PLXNA2: variants seen among roughly 807,000 people sequenced by gnomAD.
The protein encoded by PLXNA2 is plexin-A2.
In PLXNA2, 91 loss-of-function variants were observed where a neutral mutation model predicts 193.5. The ratio of observed to expected loss-of-function variants is 0.47; its 90% CI spans 0.40 to 0.56. The LOEUF (loss-of-function observed/expected upper bound fraction) is 0.56. Ranked by LOEUF, PLXNA2 falls within the 20% of genes least tolerant of loss-of-function variation. The pLI, the probability that PLXNA2 is intolerant of heterozygous loss-of-function variation, is 0.00. For synonymous variants in PLXNA2, 997 were observed against 1,027.3 expected (o/e 0.97, Z 0.56); for missense variants, 1,995 against 2,503.2 (o/e 0.80, Z 4.33).
chr1:208,136,653 G>A (rs1427780109), intron 4 of PLXNA2, among the ~76,000 whole-genome samples: 1 of 152,164 alleles, frequency 6.6e-6, no homozygotes. Flanking sequence ...GCACATTCCT[G>A]GATTTTTAAA....
At chr1:208,052,233 T>C (rs1665287083) in intron 15 of PLXNA2, 94 bp downstream of exon 15, 1 of 1,277,646 alleles carries the variant, frequency 7.8e-7, no homozygotes. Flanking sequence ...ATGGAGGTGA[T>C]GGGGCAGGCC....
At chr1:208,199,803 T>C (rs1326194765) in intron 3 of PLXNA2, among the ~76,000 whole-genome samples, 1 of 151,190 alleles carries the variant, frequency 6.6e-6, no homozygotes, top group Non-Finnish European at 1.5e-5. Flanking sequence ...CCTGGGTGAG[T>C]TTCAGCAGAT....
At chr1:208,127,805 A>G (rs1668019102) in intron 4 of PLXNA2, among the ~76,000 whole-genome samples, 1 of 152,224 alleles carries the variant, frequency 6.6e-6, no homozygotes, top group Admixed American at 6.5e-5. Flanking sequence ...GCTGCTCAGT[A>G]AAACGGGGTG....
At chr1:208,067,119 C>T (rs912168438) in intron 12 of PLXNA2, among the ~76,000 whole-genome samples, 5 of 151,914 alleles carry the variant, frequency 3.3e-5, no homozygotes, top group Non-Finnish European at 2.9e-5. Context: ...CCGAGGCAGG[C>T]GGATCACCTG....
intron 4 of PLXNA2, among the ~76,000 whole-genome samples, chr1:208,105,013 G>A (rs1667216794): frequency 6.6e-6 from 1 of 152,136 alleles, no homozygotes; most frequent in Admixed American, 6.5e-5. Flanking sequence ...AGGTGATAAC[G>A]AAAGAAGCTA....
chr1:208,140,616 C>T (rs1668432418), intron 4 of PLXNA2, among the ~76,000 whole-genome samples: 1 of 152,158 alleles, frequency 6.6e-6, no homozygotes, highest in Non-Finnish European at 1.5e-5. Flanking sequence ...TGCATAAGTG[C>T]CTGGAATGGT....
intron 4 of PLXNA2, among the ~76,000 whole-genome samples, chr1:208,122,635 C>A (rs1571941356): frequency 6.6e-6 from 1 of 151,844 alleles, no homozygotes; most frequent in African/African-American, 2.4e-5. Flanking sequence ...GTGAGATGCA[C>A]CCATTGGATG....
At chr1:208,087,693 C>A (rs758647995) in intron 9 of PLXNA2, among the ~76,000 whole-genome samples, 2 of 152,036 alleles carry the variant, frequency 1.3e-5, no homozygotes, top group Non-Finnish European at 2.9e-5. Flanking sequence ...AGATACAGGC[C>A]TTTTGGGTTA....
intron 3 of PLXNA2, among the ~76,000 whole-genome samples, chr1:208,195,693 C>T (rs917916835): frequency 2.6e-5 from 4 of 151,658 alleles, no homozygotes; most frequent in East Asian, 1.9e-4. Flanking sequence ...TCATAAAAAG[C>T]GTAATGGACT....
At chr1:208,234,504 T>C (rs905503571) in intron 1 of PLXNA2, among the ~76,000 whole-genome samples, 15 of 152,316 alleles carry the variant, frequency 9.8e-5, no homozygotes, top group Middle Eastern at 3.4e-3. Flanking sequence ...CTTGTGTTGC[T>C]TGGGGAGCTT....
intron 4 of PLXNA2, among the ~76,000 whole-genome samples, chr1:208,112,152 T>C (rs1459856578): frequency 1.3e-5 from 2 of 152,166 alleles, no homozygotes; most frequent in African/African-American, 2.4e-5. Context: ...ACATTTTTTT[T>C]CCTCCTCATT....
At chr1:208,192,843 C>T (rs181944299) in intron 3 of PLXNA2, among the ~76,000 whole-genome samples, 71 of 149,910 alleles carry the variant, frequency 4.7e-4, no homozygotes, top group African/African-American at 1.5e-3. Context: ...GCCGAGATTG[C>T]ACCATTGCAT....
intron 28 of PLXNA2, chr1:208,032,109 A>G: frequency 1.0e-6 from 1 of 985,444 alleles, no homozygotes; most frequent in Non-Finnish European, 1.2e-6. Context: ...GTCCGGAAAC[A>G]GTGTCCGAGG....
Position 208,210,579 on chromosome 1 carries a change from G to A in PLXNA2, c.1189-117C>T, listed in dbSNP as rs964021355. ...CACCAGGCCTCAGAGAGGCAGACAT[G>A]GGAGTTCAGGGGCCCTAATACAAGC... On this transcript the variant is annotated intron_variant, in intron 2 of 31. Coordinates refer to ENST00000367033, the MANE Select transcript of PLXNA2 (RefSeq NM_025179.4). The A allele has an allele frequency of 1.0e-5, 8 of 785,208 alleles. 1 individual carries two copies. In the South Asian group the frequency reaches 1.6e-4, roughly 15 times the overall value. The allele number at this position is 785,208 out of a possible 1,614,324, so 48.6% of individuals were successfully genotyped here.
At chr1:208,050,347 T>C (rs1343095308) in intron 17 of PLXNA2, among the ~76,000 whole-genome samples, 2 of 152,206 alleles carry the variant, frequency 1.3e-5, no homozygotes, top group African/African-American at 4.8e-5. Context: ...CCCTGCTTCC[T>C]CTCCAGACAT....
rs547878416 is a variant in PLXNA2, at chr1:208,062,510, C to T, written c.2587-1673G>A. 1.1e-4 allele frequency among the ~76,000 whole-genome samples: 16 copies of T among 152,336 alleles called. No homozygotes were observed. The East Asian group carries it at 3.1e-3, about 29-fold the overall frequency. Reference sequence around the variant, plus strand: ...CCGGGACTTGAACCCAGACCTCCTGCCTGTCTATCCTCCGTAGGCCAAAGA... The same window carrying T: ...CCGGGACTTGAACCCAGACCTCCTGTCTGTCTATCCTCCGTAGGCCAAAGA... On this transcript the variant is annotated intron_variant, in intron 12 of 31. Coordinates refer to ENST00000367033, the MANE Select transcript of PLXNA2 (RefSeq NM_025179.4).
intron 3 of PLXNA2, among the ~76,000 whole-genome samples, chr1:208,161,612 G>T (rs7540657): frequency 0.011 from 1,691 of 152,248 alleles, 34 homozygotes; most frequent in African/African-American, 0.038. Flanking sequence ...GTGCACGAGT[G>T]TCCTTGGGCA....
chr1:208,174,767 C>T (rs1207393398), intron 3 of PLXNA2, among the ~76,000 whole-genome samples: 1 of 152,212 alleles, frequency 6.6e-6, no homozygotes, highest in Admixed American at 6.5e-5. Context: ...CCACACTAGC[C>T]CTTAGGCCTT....
intron 12 of PLXNA2, among the ~76,000 whole-genome samples, chr1:208,074,883 C>T (rs1262095823): frequency 6.6e-6 from 1 of 152,176 alleles, no homozygotes; most frequent in Non-Finnish European, 1.5e-5. Flanking sequence ...GGAGGACACC[C>T]ATTCTGAAGA....
Sources: gnomAD v4.1 joint callset for allele counts (sites outside exome capture counted in the v4.1 genomes callset) on GRCh38, gnomAD v4.1.1 for gene constraint, MANE v1.5 for transcripts, NCBI Gene and HGNC (gene_info 2026-07-23, HGNC 2026-07-21) for gene names.